MRAS: variants seen among roughly 807,000 people sequenced by gnomAD.
MRAS encodes ras-related protein M-Ras.
In MRAS, 4 loss-of-function variants were observed where a neutral mutation model predicts 20.9. The ratio of observed to expected loss-of-function variants is 0.19; its 90% CI spans 0.09 to 0.44. MRAS has a LOEUF of 0.44. Ranked by LOEUF, MRAS falls within the 20% of genes least tolerant of loss-of-function variation. The pLI is 0.99. For missense variants in MRAS, 154 were observed against 277.5 expected (o/e 0.56, Z 3.16); for synonymous variants, 98 against 102.9 (o/e 0.95, Z 0.29).
At chr3:138,400,923 TCTC>T (rs928800634) in intron 5 of MRAS, among the ~76,000 whole-genome samples, 10 of 152,164 alleles carry the variant, frequency 6.6e-5, no homozygotes, top group African/African-American at 2.4e-4. Flanking sequence ...GCTTCAGTGT[TCTC>T]CTCACACCAA....
chr3:138,385,398 C>G (rs972785588), intron 2 of MRAS, among the ~76,000 whole-genome samples: 1 of 151,196 alleles, frequency 6.6e-6, no homozygotes, highest in Non-Finnish European at 1.5e-5. Flanking sequence ...CCTCCCAGCT[C>G]AGCCTCCCAA....
chr3:138,397,506 G>A (rs774534851), intron 3 of MRAS, 29 bp downstream of exon 3: 27 of 1,612,544 alleles, frequency 1.7e-5, no homozygotes, highest in Middle Eastern at 3.3e-4. Context: ...TGAGAGTACC[G>A]GGAAGAGGCC....
chr3:138,371,289 G>A (rs1422660411), intron 1 of MRAS, among the ~76,000 whole-genome samples: 3 of 152,210 alleles, frequency 2.0e-5, no homozygotes. Flanking sequence ...ACTCTCGACT[G>A]TAGCCCCATG....
chr3:138,374,725 G>T (rs1013254432), intron 2 of MRAS, among the ~76,000 whole-genome samples: 5 of 152,170 alleles, frequency 3.3e-5, no homozygotes, highest in African/African-American at 1.2e-4. Context: ...TTTATGGATG[G>T]CCTTTATCAG....
At chr3:138,384,500 G>T (rs1283173092) in intron 2 of MRAS, among the ~76,000 whole-genome samples, 1 of 152,184 alleles carries the variant, frequency 6.6e-6, no homozygotes, top group Non-Finnish European at 1.5e-5. Context: ...AGAACCAGTA[G>T]CATAGAGTTA....
intron 1 of MRAS, among the ~76,000 whole-genome samples, chr3:138,353,836 C>A (rs191647659): frequency 1.3e-5 from 2 of 152,210 alleles, no homozygotes; most frequent in South Asian, 2.1e-4. Flanking sequence ...GAAACCGAGG[C>A]TCAAGGAAGT....
intron 1 of MRAS, among the ~76,000 whole-genome samples, chr3:138,368,557 T>A (rs752011246): frequency 6.6e-6 from 1 of 152,142 alleles, no homozygotes; most frequent in African/African-American, 2.4e-5. Flanking sequence ...GGGGAAACTT[T>A]AAGGAGAACC....
In MRAS at chr3:138,402,714, T is replaced by G. The variant is rs2055386903; in HGVS notation, c.*445T>G. The G allele has an allele frequency of 6.4e-6, 1 of 155,262 alleles. No homozygotes were observed. Among genetic ancestry groups the G allele is most frequent in the South Asian group, 2.1e-4 (1 of 4,872 alleles). 9.6% of individuals were successfully genotyped at this position (155,262 alleles called of 1,614,324 possible). ...TGTCTTTTATAGATTTTTAAATTAT[T>G]TTAGTGATTATTATTTTATTAAAGG... On this transcript the variant is annotated 3_prime_UTR_variant, in exon 6 of 6. Coordinates refer to ENST00000423968, the MANE Select transcript of MRAS (RefSeq NM_001085049.3).
chr3:138,373,205 C>T (rs1376768248), intron 2 of MRAS, 129 bp downstream of exon 2: 13 of 889,032 alleles, frequency 1.5e-5, no homozygotes, highest in Admixed American at 3.7e-5. Context: ...GATATAAAGC[C>T]GTGTGTCGTT....
rs570812692 is a variant in MRAS at position 138,359,181 on chromosome 3, C to T, written c.-19+10414C>T. On this transcript the variant is annotated intron_variant, in intron 1 of 5. Transcript: ENST00000423968. ...GAAAAAATGCAGCAGTCATTTAGGG[C>T]TTGGGGAGGGAGATGTGAAAAGTAG... Among the ~76,000 whole-genome samples, 3 of 152,252 alleles carry T rather than the reference C, an allele frequency of 2.0e-5. No individual in the cohort carries two copies. The South Asian group carries it at 6.2e-4, about 32-fold the overall frequency.
At chr3:138,393,698 T>C (rs2055175553) in intron 2 of MRAS, among the ~76,000 whole-genome samples, 1 of 151,570 alleles carries the variant, frequency 6.6e-6, no homozygotes, top group East Asian at 1.9e-4. Flanking sequence ...GCTTTTTTCT[T>C]TTTTTTTTGA....
rs1310393146 is a variant in MRAS, at chr3:138,402,807, ATTG to A, written c.*547_*549del. 15 of 152,502 alleles carry A rather than the reference ATTG, an allele frequency of 9.8e-5. No individual in the cohort carries two copies. Among genetic ancestry groups the A allele is most frequent in the Non-Finnish European group, 1.5e-5 (1 of 68,038 alleles). The allele number at this position is 152,502 out of a possible 1,614,324, so 9.4% of individuals were successfully genotyped here. A position where few individuals can be genotyped will look rare whatever the true frequency, so the allele number is the denominator to read the frequency against. ...ACCTCTCTGGTAACATATCTGGAAT[ATTG>A]TTGTTGTTTTTTAACCGAGTTTTCC... On this transcript the variant is annotated 3_prime_UTR_variant, in exon 6 of 6. Coordinates refer to ENST00000423968, the MANE Select transcript of MRAS (RefSeq NM_001085049.3).
intron 2 of MRAS, among the ~76,000 whole-genome samples, chr3:138,381,118 C>T (rs1312552285): frequency 6.6e-6 from 1 of 152,192 alleles, no homozygotes; most frequent in African/African-American, 2.4e-5. Context: ...TATGGATGTA[C>T]CATGTTTTCA....
chr3:138,388,884 C>G (rs562681383), intron 2 of MRAS, among the ~76,000 whole-genome samples: 3 of 152,058 alleles, frequency 2.0e-5, no homozygotes, highest in African/African-American at 4.8e-5. Context: ...TCTCGTTGCC[C>G]AGGCTGGAGT....
At chr3:138,399,396 T>G (rs2055311229) in intron 4 of MRAS, among the ~76,000 whole-genome samples, 1 of 152,238 alleles carries the variant, frequency 6.6e-6, no homozygotes, top group South Asian at 2.1e-4. Context: ...CTGCCTTTTG[T>G]GCTCTGCGCT....
intron 1 of MRAS, among the ~76,000 whole-genome samples, chr3:138,351,706 A>T (rs868520069): frequency 1.3e-5 from 2 of 152,222 alleles, no homozygotes; most frequent in Non-Finnish European, 2.9e-5. Flanking sequence ...AGGTCTCTGT[A>T]CACAGGAATG....
rs547377711 is a variant in MRAS at position 138,377,524 on chromosome 3, A to C, written c.193+4448A>C. 4.6e-5 allele frequency among the ~76,000 whole-genome samples: 7 copies of C among 152,350 alleles called. No individual in the cohort carries two copies. In the South Asian group the frequency reaches 1.4e-3, roughly 32 times the overall value. ...GAGCCTGAGGCAGGAGAATTGCCTG[A>C]ACCCAGGAGGCGGAGGTTGCAGTGA... is the stretch of plus-strand genomic sequence containing the variant. On this transcript the variant is annotated intron_variant, in intron 2 of 5. Coordinates refer to ENST00000423968, the MANE Select transcript of MRAS (RefSeq NM_001085049.3).
At chr3:138,390,046 A>G (rs2055098511) in intron 2 of MRAS, among the ~76,000 whole-genome samples, 2 of 138,266 alleles carry the variant, frequency 1.4e-5, no homozygotes, top group South Asian at 5.1e-4. Context: ...GAGGAGGAGA[A>G]GCAGAGAAAA....
chr3:138,369,436 C>A (rs1328189888), intron 1 of MRAS, among the ~76,000 whole-genome samples: 2 of 152,120 alleles, frequency 1.3e-5, no homozygotes, highest in Non-Finnish European at 2.9e-5. Flanking sequence ...CCACAGGACA[C>A]ATTGGGGGAC....
Sources: gnomAD v4.1 joint callset for allele counts (sites outside exome capture counted in the v4.1 genomes callset) on GRCh38, gnomAD v4.1.1 for gene constraint, MANE v1.5 for transcripts, NCBI Gene and HGNC (gene_info 2026-07-23, HGNC 2026-07-21) for gene names.